The following HEPHL1 variants were observed in gnomAD, a reference collection of about 807,000 sequenced individuals.
HEPHL1 encodes hephaestin like 1, also known as ferroxidase HEPHL1.
A neutral mutation model predicts 122.0 loss-of-function variants in HEPHL1; 123 were observed. The ratio of observed to expected loss-of-function variants is 1.01; its 90% CI spans 0.87 to 1.17. The LOEUF is 1.17. Ranked by LOEUF, HEPHL1 falls within the 50% of genes most tolerant of loss-of-function variation. The pLI, the probability that HEPHL1 is intolerant of heterozygous loss-of-function variation, is 0.00. For missense variants in HEPHL1, 1,452 were observed against 1,430.5 expected (o/e 1.01, Z -0.24); for synonymous variants, 527 against 508.9 (o/e 1.04, Z -0.48).
chr11:94,102,729 G>A (rs1362101478), intron 14 of HEPHL1, among the ~76,000 whole-genome samples, 185 bp from the exon 15 acceptor site: 1 of 152,184 alleles, frequency 6.6e-6, no homozygotes, highest in African/African-American at 2.4e-5. Flanking sequence ...TGACAAATCT[G>A]CCATTTCATT....
At chr11:94,084,359 A>T (rs905162566) in intron 10 of HEPHL1, among the ~76,000 whole-genome samples, 1 of 150,656 alleles carries the variant, frequency 6.6e-6, no homozygotes, top group South Asian at 2.1e-4. Context: ...TAAATAAATA[A>T]ATAAATAAAT....
chr11:94,070,492 T>G lies in HEPHL1; in HGVS notation c.1182T>G (p.Ala394=), dbSNP rs1180021021. The change falls in exon 6 of 20, where the codon GCT becomes GCG. Residue 394 remains alanine (A), a synonymous_variant. Transcript: ENST00000315765. ...CTGAAAAAATTCTTTGGGATTATGCTCCTCAAGGCTATAACAAATTCAGTG... is the reference window on the plus strand; with the variant it reads ...CTGAAAAAATTCTTTGGGATTATGCGCCTCAAGGCTATAACAAATTCAGTG... The part of the protein sequence containing the change: ...IAAEKILWDY[A]PQGYNKFSGL... 6.2e-7 allele frequency: 1 copy of G among 1,611,188 alleles called. No individual in the cohort carries two copies. The highest frequency in any genetic ancestry group is 8.5e-7 in the Non-Finnish European group (1 of 1,178,670).
At chr11:94,108,984 C>T (rs1946428639) in intron 17 of HEPHL1, among the ~76,000 whole-genome samples, 1 of 152,062 alleles carries the variant, frequency 6.6e-6, no homozygotes. Flanking sequence ...ATTGAGGCTT[C>T]CAATCCATGA....
At chr11:94,051,974 C>T (rs1229761667) in intron 2 of HEPHL1, among the ~76,000 whole-genome samples, 2 of 152,022 alleles carry the variant, frequency 1.3e-5, no homozygotes, top group African/African-American at 4.8e-5. Context: ...TTTCCAGGTT[C>T]TCTATTCTGT....
intron 1 of HEPHL1, 43 bp downstream of exon 1, chr11:94,021,581 C>G (rs377682171): frequency 5.4e-6 from 8 of 1,470,384 alleles, no homozygotes; most frequent in Non-Finnish European, 7.4e-6. Flanking sequence ...GGTTTGGCCT[C>G]TTTTTGACTT....
chr11:94,056,094 A>G (rs999632710), intron 2 of HEPHL1: 4 of 307,084 alleles, frequency 1.3e-5, no homozygotes, highest in Non-Finnish European at 2.4e-5. Context: ...ATAATGTTAT[A>G]TTTTCCTGAT....
chr11:94,101,937 G>T lies in HEPHL1; in HGVS notation c.2575+602G>T, dbSNP rs76892857. 3.5e-4 allele frequency among the ~76,000 whole-genome samples: 53 copies of T among 152,254 alleles called. No homozygotes were observed. In the East Asian group the frequency reaches 6.8e-3, roughly 19 times the overall value. ...TAACTTCAATTAGAGACAATAAAAAGATATTTTGAGAGTGAGAGTCTACAT... is the reference window on the plus strand; with the variant it reads ...TAACTTCAATTAGAGACAATAAAAATATATTTTGAGAGTGAGAGTCTACAT... On this transcript the variant is annotated intron_variant, in intron 14 of 19. Coordinates refer to ENST00000315765, the MANE Select transcript of HEPHL1 (RefSeq NM_001098672.2).
chr11:94,033,380 T>C (rs1362003018), intron 1 of HEPHL1, among the ~76,000 whole-genome samples: 9 of 152,142 alleles, frequency 5.9e-5, no homozygotes, highest in Admixed American at 5.9e-4. Flanking sequence ...TTTCTCCCAG[T>C]AGTAAGATAT....
intron 13 of HEPHL1, among the ~76,000 whole-genome samples, chr11:94,095,210 A>T (rs371283947): frequency 6.6e-6 from 1 of 152,202 alleles, no homozygotes; most frequent in Non-Finnish European, 1.5e-5. Context: ...AGCTTTCTAC[A>T]TATGGCTAGC....
intron 2 of HEPHL1, among the ~76,000 whole-genome samples, chr11:94,057,780 A>C (rs1417146043): frequency 6.6e-6 from 1 of 152,154 alleles, no homozygotes; most frequent in East Asian, 1.9e-4. Flanking sequence ...ATAGAGAGAT[A>C]GTTTCCACTG....
At chr11:94,093,446 C>T (rs1218141504) in intron 12 of HEPHL1, 55 bp from the exon 13 acceptor site, 1 of 1,605,790 alleles carries the variant, frequency 6.2e-7, no homozygotes, top group Non-Finnish European at 8.5e-7. Flanking sequence ...CTTAGAAGCG[C>T]TCAAAGCTTT....
chr11:94,035,329 T>C (rs2134407355), intron 1 of HEPHL1, among the ~76,000 whole-genome samples: 1 of 152,342 alleles, frequency 6.6e-6, no homozygotes, highest in African/African-American at 2.4e-5. Flanking sequence ...ATTTAGAGAT[T>C]GTACCTTTTT....
chr11:94,076,203 C>G (rs1215526889), intron 9 of HEPHL1, among the ~76,000 whole-genome samples: 4 of 152,124 alleles, frequency 2.6e-5, no homozygotes, highest in Non-Finnish European at 4.4e-5. Flanking sequence ...CCGGAAATGT[C>G]TATTGCATGT....
chr11:94,105,851 C>A, intron 16 of HEPHL1, 140 bp from the exon 17 acceptor site: 1 of 469,576 alleles, frequency 2.1e-6, no homozygotes, highest in Non-Finnish European at 3.6e-6. Context: ...AATGGTAGGA[C>A]ACTGCTAGGG....
chr11:94,052,218 A>C lies in HEPHL1; in HGVS notation c.415+6301A>C, dbSNP rs1429590588. On this transcript the variant is annotated intron_variant, in intron 2 of 19. Coordinates refer to ENST00000315765, the MANE Select transcript of HEPHL1 (RefSeq NM_001098672.2). ...ATAGGGATTGCTTTGGGCAGTATGA[A>C]CATTTTAACAATATTGATTCTTCCA... 2.6e-5 allele frequency among the ~76,000 whole-genome samples: 4 copies of C among 151,820 alleles called. 1 individual carries two copies. Among genetic ancestry groups the C allele is most frequent in the African/African-American group, 7.3e-5 (3 of 41,362 alleles).
At chr11:94,060,184 T>C (rs1945975624) in intron 2 of HEPHL1, among the ~76,000 whole-genome samples, 1 of 142,416 alleles carries the variant, frequency 7.0e-6, no homozygotes, top group Non-Finnish European at 1.5e-5. Context: ...GATACGATCA[T>C]GAGCAAAAAG....
chr11:94,048,036 C>T (rs906669059), intron 2 of HEPHL1, among the ~76,000 whole-genome samples: 1 of 152,098 alleles, frequency 6.6e-6, no homozygotes. Context: ...TCCATTCCTC[C>T]CTTTTGCTGC....
At position 94,104,683 on chromosome 11, in the gene HEPHL1, G is replaced by T; in HGVS notation, c.2838G>T (p.Lys946Asn). ...ESWYLDDNIK[K>N]YLNKDPRDFK... ...GGTATCTGGATGACAATATTAAGAA[G>T]TATCTCAACAAAGATCCACGAGATT... is the stretch of plus-strand genomic sequence containing the variant. The change falls in exon 16 of 20, where the codon AAG becomes AAT. Residue 946 changes from lysine (K) to asparagine (N), a missense_variant. Physicochemically the swap from Lys to Asn is moderately conservative, Grantham distance 94. Transcript: ENST00000315765. The T allele has an allele frequency of 1.2e-6, 2 of 1,613,874 alleles. No individual in the cohort carries two copies. Among genetic ancestry groups the T allele is most frequent in the Non-Finnish European group, 1.7e-6 (2 of 1,179,762 alleles).
chr11:94,043,595 A>T (rs1945806921), intron 1 of HEPHL1, among the ~76,000 whole-genome samples: 1 of 152,172 alleles, frequency 6.6e-6, no homozygotes, highest in Non-Finnish European at 1.5e-5. Context: ...AGAGAATGAG[A>T]GTGGGACAGG....
Sources: gnomAD v4.1 joint callset for allele counts (sites outside exome capture counted in the v4.1 genomes callset) on GRCh38, gnomAD v4.1.1 for gene constraint, MANE v1.5 for transcripts, NCBI Gene and HGNC (gene_info 2026-07-23, HGNC 2026-07-21) for gene names.